PTPN4: variants seen among roughly 807,000 people sequenced by gnomAD.
The protein encoded by PTPN4 is protein tyrosine phosphatase non-receptor type 4.
In PTPN4, 49 loss-of-function variants were observed where a neutral mutation model predicts 135.5. The ratio of observed to expected loss-of-function variants is 0.36; its 90% CI spans 0.29 to 0.46. The LOEUF (loss-of-function observed/expected upper bound fraction) is 0.46, where lower values mean the gene tolerates loss of function less well. Among genes scored for constraint, PTPN4 ranks in the 20% least tolerant of loss-of-function variants. The pLI is 1.00. For synonymous variants in PTPN4, 333 were observed against 369.9 expected, an observed-to-expected ratio of 0.90 and a Z score of 1.14; for missense variants, 860 against 1,101.0, an observed-to-expected ratio of 0.78 and a Z score of 3.10.
At chr2:119,868,962 G>A (rs1029779970) in intron 3 of PTPN4, among the ~76,000 whole-genome samples, 1 of 151,856 alleles carries the variant, frequency 6.6e-6, no homozygotes, top group African/African-American at 2.4e-5. Context: ...AGCTGGTCTC[G>A]GCATATACCA....
At chr2:119,968,943 A>T (rs1679486712) in intron 26 of PTPN4, among the ~76,000 whole-genome samples, 1 of 152,222 alleles carries the variant, frequency 6.6e-6, no homozygotes, top group African/African-American at 2.4e-5. Context: ...TGATTAAGAC[A>T]CTGTGAAATA....
intron 1 of PTPN4, among the ~76,000 whole-genome samples, chr2:119,779,104 C>G (rs184767409): frequency 2.4e-3 from 368 of 152,234 alleles, no homozygotes; most frequent in African/African-American, 8.5e-3. Context: ...GTTTTGGTAG[C>G]ACTATCCTAA....
rs1224265846 is a variant in PTPN4 at position 119,858,679 on chromosome 2, C to T, written c.139-3857C>T. Reference sequence around the variant, plus strand: ...TTCTTTTTTTTTTGAGATGGAGTCTCGCTCTGTTGCCCAGGCTGGAGTGCA... The same window carrying T: ...TTCTTTTTTTTTTGAGATGGAGTCTTGCTCTGTTGCCCAGGCTGGAGTGCA... On this transcript the variant is annotated intron_variant, in intron 2 of 26. Coordinates refer to ENST00000263708, the MANE Select transcript of PTPN4 (RefSeq NM_002830.4). 4.6e-5 allele frequency among the ~76,000 whole-genome samples: 7 copies of T among 151,544 alleles called. No homozygotes were observed. In the South Asian group the frequency reaches 8.4e-4, roughly 18 times the overall value.
intron 2 of PTPN4, among the ~76,000 whole-genome samples, chr2:119,846,401 C>T (rs1287047151): frequency 6.6e-6 from 1 of 152,174 alleles, no homozygotes; most frequent in Admixed American, 6.5e-5. Flanking sequence ...CTCTTTGACT[C>T]TAGTAACATT....
chr2:119,767,302 C>G (rs1324211420), intron 1 of PTPN4, among the ~76,000 whole-genome samples: 2 of 152,220 alleles, frequency 1.3e-5, no homozygotes, highest in African/African-American at 4.8e-5. Context: ...CCTTATTTCT[C>G]CATTTCAGGG....
chr2:119,784,328 C>T (rs1252896898), intron 1 of PTPN4, among the ~76,000 whole-genome samples: 4 of 146,722 alleles, frequency 2.7e-5, no homozygotes, highest in Non-Finnish European at 6.0e-5. Flanking sequence ...AGTCTTCCTG[C>T]CTTAACCTAC....
At chr2:119,931,746 T>G (rs1354672900) in intron 13 of PTPN4, among the ~76,000 whole-genome samples, 1 of 152,116 alleles carries the variant, frequency 6.6e-6, no homozygotes, top group African/African-American at 2.4e-5. Flanking sequence ...ATCCAAGATC[T>G]TTTTTTAAAA....
intron 1 of PTPN4, among the ~76,000 whole-genome samples, chr2:119,765,217 C>T (rs781599708): frequency 2.2e-4 from 34 of 152,268 alleles, no homozygotes; most frequent in South Asian, 1.2e-3. Context: ...TTTCATTTTT[C>T]TATTCCCATC....
chr2:119,878,356 A>T (rs1309187907), intron 5 of PTPN4, among the ~76,000 whole-genome samples: 1 of 152,238 alleles, frequency 6.6e-6, no homozygotes, highest in East Asian at 1.9e-4. Context: ...GACAGTTAAA[A>T]ATTAGCATGT....
intron 2 of PTPN4, among the ~76,000 whole-genome samples, chr2:119,837,988 A>G (rs1677321392): frequency 1.3e-5 from 2 of 152,228 alleles, no homozygotes; most frequent in Non-Finnish European, 2.9e-5. Flanking sequence ...CGCCCTTGGC[A>G]GGTGTGGAAT....
At chr2:119,867,941 G>A (rs72836851) in intron 3 of PTPN4, among the ~76,000 whole-genome samples, 3,191 of 152,126 alleles carry the variant, frequency 0.021, 60 homozygotes, top group Non-Finnish European at 0.033. Flanking sequence ...TGCACTGGCC[G>A]AAGCCAGCAG....
intron 26 of PTPN4, among the ~76,000 whole-genome samples, chr2:119,975,172 T>A (rs1679595044): frequency 6.6e-6 from 1 of 152,210 alleles, no homozygotes; most frequent in Admixed American, 6.5e-5. Context: ...TTTGCAGTAG[T>A]GTGATCACCA....
At chr2:119,922,748 T>C (rs1678756958) in intron 12 of PTPN4, among the ~76,000 whole-genome samples, 1 of 152,194 alleles carries the variant, frequency 6.6e-6, no homozygotes, top group African/African-American at 2.4e-5. Context: ...AATAATATTA[T>C]CTCATTTTTA....
At chr2:119,860,519 A>T (rs144175833) in intron 2 of PTPN4, among the ~76,000 whole-genome samples, 2 of 152,178 alleles carry the variant, frequency 1.3e-5, no homozygotes, top group African/African-American at 2.4e-5. Context: ...TCATCTGCCA[A>T]ATTAGCTTGC....
In PTPN4 at chr2:119,920,110, T is replaced by C; in HGVS notation, c.870T>C (p.Asn290=). ...CATTATTGGGATTTAATATGGTGAA[T>C]TACAGAGCATGTAAAAATTTGTGGA... The part of the protein sequence containing the change: ...RETLLGFNMV[N]YRACKNLWKA... The change falls in exon 12 of 27, where the codon AAT becomes AAC. Residue 290 remains asparagine, a synonymous_variant. Coordinates refer to ENST00000263708, the MANE Select transcript of PTPN4 (RefSeq NM_002830.4). 1 of 1,612,892 alleles carries C rather than the reference T, an allele frequency of 6.2e-7. No homozygotes were observed. Among genetic ancestry groups the C allele is most frequent in the African/African-American group, 1.3e-5 (1 of 75,006 alleles).
chr2:119,770,128 G>A (rs1225842455), intron 1 of PTPN4, among the ~76,000 whole-genome samples: 1 of 152,162 alleles, frequency 6.6e-6, no homozygotes, highest in Non-Finnish European at 1.5e-5. Context: ...TAGGTACTAG[G>A]CACTGTGCTT....
intron 2 of PTPN4, among the ~76,000 whole-genome samples, chr2:119,818,461 G>A (rs932913331): frequency 1.3e-5 from 2 of 152,154 alleles, no homozygotes; most frequent in African/African-American, 4.8e-5. Flanking sequence ...ATTTTTAAAG[G>A]TTATTGTTTT....
At chr2:119,853,093 G>A (rs930476547) in intron 2 of PTPN4, among the ~76,000 whole-genome samples, 1 of 152,168 alleles carries the variant, frequency 6.6e-6, no homozygotes, top group Non-Finnish European at 1.5e-5. Context: ...CATATATTCT[G>A]CTGTTGTCGA....
In PTPN4 at chr2:119,840,576, T is replaced by A. The variant is rs141503533; in HGVS notation, c.139-21960T>A. ...GCATCCATGTATCTCTACAATAGAA[T>A]GATTTATATTCCTTTGGGTATGTAC... On this transcript the variant is annotated intron_variant, in intron 2 of 26. Transcript: ENST00000263708. Among the ~76,000 whole-genome samples the A allele has an allele frequency of 1.9e-3, 288 of 152,346 alleles. 1 individual carries two copies. Among genetic ancestry groups the A allele is most frequent in the Admixed American group, 3.2e-3 (49 of 15,302 alleles).
Sources: allele counts gnomAD v4.1 joint callset (sites outside exome capture counted in the v4.1 genomes callset), GRCh38; gene constraint gnomAD v4.1.1; transcripts MANE v1.5; gene names NCBI Gene and HGNC (gene_info 2026-07-23, HGNC 2026-07-21).